Variants in TGFB1 observed in about 807,000 individuals in gnomAD.
The protein encoded by TGFB1 is transforming growth factor beta-1 proprotein.
TGFB1 carries 19 observed loss-of-function variants against 43.8 expected under a neutral mutation model. The ratio of observed to expected loss-of-function variants is 0.43; its 90% confidence interval spans 0.30 to 0.64. TGFB1 has a LOEUF of 0.64. TGFB1 is among the 30% of genes least tolerant of loss of function. The pLI, the probability that TGFB1 is intolerant of heterozygous loss-of-function variation, is 0.11. For synonymous variants in TGFB1, 221 were observed against 236.3 expected, an observed-to-expected ratio of 0.94 and a Z score of 0.60; for missense variants, 445 against 529.8, an observed-to-expected ratio of 0.84 and a Z score of 1.57.
chr19:41,332,933 C>T (rs1411722172), intron 5 of TGFB1, among the ~76,000 whole-genome samples: 2 of 152,132 alleles, frequency 1.3e-5, no homozygotes, highest in African/African-American at 4.8e-5. Flanking sequence ...CATGGGCATG[C>T]TATAAATTGT....
intron 2 of TGFB1, among the ~76,000 whole-genome samples, chr19:41,346,420 TG>T (rs1431751999): frequency 6.6e-6 from 1 of 152,200 alleles, no homozygotes; most frequent in African/African-American, 2.4e-5. Flanking sequence ...AGAATAAAGC[TG>T]AATTCCCCAG....
intron 1 of TGFB1, among the ~76,000 whole-genome samples, chr19:41,349,990 T>C (rs1414619732): frequency 6.6e-6 from 1 of 151,574 alleles, no homozygotes; most frequent in East Asian, 1.9e-4. Flanking sequence ...TTTTTTTTTC[T>C]TCCCCCAAGA....
At chr19:41,332,728 G>T (rs1267749612) in intron 5 of TGFB1, among the ~76,000 whole-genome samples, 1 of 152,172 alleles carries the variant, frequency 6.6e-6, no homozygotes, top group East Asian at 1.9e-4. Context: ...AATAGGCTAG[G>T]CATGGTGGCT....
At chr19:41,338,491 C>T (rs1355834762) in intron 5 of TGFB1, among the ~76,000 whole-genome samples, 10 of 141,322 alleles carry the variant, frequency 7.1e-5, no homozygotes, top group African/African-American at 2.8e-4. Flanking sequence ...AGCGAAACTC[C>T]GTCTCAAAAA....
chr19:41,331,268 C>T, intron 6 of TGFB1, 58 bp from the exon 7 acceptor site: 1 of 1,444,112 alleles, frequency 6.9e-7, no homozygotes, highest in Non-Finnish European at 9.1e-7. Context: ...AAACGGCCCT[C>T]CACTGCCCCA....
At chr19:41,348,145 A>AT in intron 2 of TGFB1, 150 bp downstream of exon 2, 1 of 747,776 alleles carries the variant, frequency 1.3e-6, no homozygotes, top group Non-Finnish European at 2.1e-6. Context: ...AAAAAAAAAA[A>AT]GCGTTCTAGG....
chr19:41,346,928 GT>G (rs1199449688), intron 2 of TGFB1, among the ~76,000 whole-genome samples: 1 of 152,064 alleles, frequency 6.6e-6, no homozygotes, highest in Non-Finnish European at 1.5e-5. Flanking sequence ...GTTTCGTCAT[GT>G]TGGCCAGGCT....
intron 5 of TGFB1, among the ~76,000 whole-genome samples, chr19:41,332,983 G>A (rs1247721250): frequency 6.6e-6 from 1 of 151,970 alleles, no homozygotes; most frequent in Admixed American, 6.6e-5. Flanking sequence ...CCATCTCACG[G>A]CAAATGCCCA....
At position 41,335,607 on chromosome 19, in the gene TGFB1, T is replaced by G. The variant is rs186051435; in HGVS notation, c.861-3326A>C. Reference sequence around the variant, plus strand: ...GCCGTCTAGGTGATCCTCTGACTCATTTTTTCAGCACACATTCGGGGCCTA... The same window carrying G: ...GCCGTCTAGGTGATCCTCTGACTCAGTTTTTCAGCACACATTCGGGGCCTA... On this transcript the variant is annotated intron_variant, in intron 5 of 6. Coordinates refer to ENST00000221930, the MANE Select transcript of TGFB1 (RefSeq NM_000660.7). 4.2e-4 allele frequency among the ~76,000 whole-genome samples: 64 copies of G among 152,304 alleles called. 1 individual carries two copies. In the East Asian group the frequency reaches 0.012, roughly 28 times the overall value.
intron 5 of TGFB1, among the ~76,000 whole-genome samples, chr19:41,340,395 G>A (rs1357340721): frequency 5.3e-5 from 8 of 151,346 alleles, no homozygotes; most frequent in East Asian, 1.9e-4. Flanking sequence ...CTGGATAGCC[G>A]TAATCCCAGC....
intron 5 of TGFB1, among the ~76,000 whole-genome samples, chr19:41,338,371 A>G (rs543087119): frequency 1.7e-4 from 25 of 150,896 alleles, no homozygotes; most frequent in Admixed American, 5.3e-4. Context: ...GCAGGTGCCT[A>G]TAATCCCAAC....
chr19:41,338,123 C>T (rs1421019608), intron 5 of TGFB1, among the ~76,000 whole-genome samples: 2 of 151,558 alleles, frequency 1.3e-5, no homozygotes, highest in African/African-American at 2.4e-5. Flanking sequence ...ACCTGGGAGG[C>T]GGAGGTTGCA....
In TGFB1 at chr19:41,344,637, C is replaced by CT. The variant is rs2038094968; in HGVS notation, c.634+109dup. 6.0e-6 allele frequency: 6 copies of CT among 1,008,094 alleles called. No homozygotes were observed. The South Asian group carries it at 6.6e-5, about 11-fold the overall frequency. The allele number at this position is 1,008,094 out of a possible 1,614,324, so 62.4% of individuals were successfully genotyped here. A position where few individuals can be genotyped will look rare whatever the true frequency, so the allele number is the denominator to read the frequency against. On this transcript the variant is annotated intron_variant, in intron 3 of 6. Transcript: ENST00000221930. The stretch of plus-strand genomic sequence containing the variant: ...CACAGAGGGGAGCCAGGTCTCAGCA[C>CT]TTTCACACCAGTATGGGGCGGAGAG...
At chr19:41,331,561 C>T (rs929423056) in intron 6 of TGFB1, among the ~76,000 whole-genome samples, 51 of 148,108 alleles carry the variant, frequency 3.4e-4, no homozygotes, top group African/African-American at 1.3e-3. Flanking sequence ...CGCCACCACT[C>T]CTAGCTTTTT....
At chr19:41,340,570 C>T (rs549463912) in intron 5 of TGFB1, among the ~76,000 whole-genome samples, 7 of 152,232 alleles carry the variant, frequency 4.6e-5, no homozygotes, top group South Asian at 4.1e-4. Context: ...CGTGAGCCAC[C>T]GCGCCCAGCC....
chr19:41,336,752 A>T (rs1415162923), intron 5 of TGFB1, among the ~76,000 whole-genome samples: 1 of 152,140 alleles, frequency 6.6e-6, no homozygotes, highest in Non-Finnish European at 1.5e-5. Flanking sequence ...AATATTTCAA[A>T]TGTATCTCTA....
intron 5 of TGFB1, among the ~76,000 whole-genome samples, chr19:41,337,783 C>G (rs537704954): frequency 6.6e-6 from 1 of 152,178 alleles, no homozygotes; most frequent in Admixed American, 6.6e-5. Context: ...CCTCCTCAGC[C>G]TACTCAACAT....
In TGFB1 at chr19:41,341,992, G is replaced by A. The variant is rs1287373765; in HGVS notation, c.751C>T (p.His251Tyr). 6.2e-7 allele frequency: 1 copy of A among 1,614,224 alleles called. No individual in the cohort carries two copies. The highest frequency in any genetic ancestry group is 1.3e-5 in the African/African-American group (1 of 75,072). Residue 251 changes from histidine (H) to tyrosine (Y), a missense_variant, in exon 5 of 7, where the codon CAT becomes TAT. Physicochemically the swap from His to Tyr is moderately conservative, Grantham distance 83. This residue lies in a region of TGFB1 where 366 missense variants were observed against 428.8 expected (regional missense o/e 0.85). Transcript: ENST00000221930. ...TGRRGDLATI[H>Y]GMNRPFLLLM... ...AGCAGGAAAGGCCGGTTCATGCCAT[G>A]AATGGTGGCCAGGTCACCTCGGCGG...
rs530450682 is a variant in TGFB1 at position 41,336,985 on chromosome 19, T to C, written c.861-4704A>G. On this transcript the variant is annotated intron_variant, in intron 5 of 6. Coordinates refer to ENST00000221930, the MANE Select transcript of TGFB1 (RefSeq NM_000660.7). ...TTTTTTTTTAATTTTTGAGATGGAG[T>C]CTCACTCTGTCACCCAGGATGCAGT... is the stretch of plus-strand genomic sequence containing the variant. 3.9e-4 allele frequency among the ~76,000 whole-genome samples: 58 copies of C among 149,636 alleles called. 2 individuals are homozygous for C. In the South Asian group the frequency reaches 9.5e-3, roughly 24 times the overall value.
Sources: gnomAD v4.1 joint callset for allele counts (sites outside exome capture counted in the v4.1 genomes callset) on GRCh38, gnomAD v4.1.1 for gene constraint, gnomAD v4.1.1 regional missense constraint, MANE v1.5 for transcripts, NCBI Gene and HGNC (gene_info 2026-07-23, HGNC 2026-07-21) for gene names.